Variants in SSX2IP observed in about 807,000 individuals in gnomAD.
SSX2IP encodes afadin- and alpha-actinin-binding protein.
Under a neutral mutation model 84.9 loss-of-function variants are expected in SSX2IP, and 55 were observed. The ratio of observed to expected loss-of-function variants is 0.65; its 90% CI spans 0.52 to 0.81. The LOEUF (loss-of-function observed/expected upper bound fraction) is 0.81, where lower values mean the gene tolerates loss of function less well. Ranked by LOEUF, SSX2IP falls within the 30% of genes least tolerant of loss-of-function variation. SSX2IP has a pLI of 0.00. For missense variants in SSX2IP, 664 were observed against 705.2 expected (o/e 0.94, Z 0.66); for synonymous variants, 239 against 234.7 (o/e 1.02, Z -0.17).
intron 1 of SSX2IP, among the ~76,000 whole-genome samples, chr1:84,681,606 T>C (rs1031267952): frequency 7.0e-5 from 9 of 128,070 alleles, no homozygotes; most frequent in Admixed American, 4.0e-4. Flanking sequence ...TTGAATGTTA[T>C]AGGAGCATGT....
intron 1 of SSX2IP, among the ~76,000 whole-genome samples, chr1:84,689,421 G>T (rs1279940689): frequency 6.6e-6 from 1 of 152,164 alleles, no homozygotes; most frequent in East Asian, 1.9e-4. Flanking sequence ...TGAATTGTTA[G>T]AAAGCCCAGG....
chr1:84,659,604 C>T (rs546297316), intron 8 of SSX2IP, among the ~76,000 whole-genome samples: 1 of 151,930 alleles, frequency 6.6e-6, no homozygotes, highest in Admixed American at 6.6e-5. Context: ...TCGAAACCAT[C>T]CTGTCCAACA....
intron 6 of SSX2IP, among the ~76,000 whole-genome samples, chr1:84,663,449 T>G (rs1652323885): frequency 6.6e-6 from 1 of 152,194 alleles, no homozygotes; most frequent in African/African-American, 2.4e-5. Context: ...ATTCTCCAAA[T>G]GAGTAAGATT....
intron 1 of SSX2IP, among the ~76,000 whole-genome samples, chr1:84,683,497 C>T (rs1655367387): frequency 1.3e-5 from 2 of 152,200 alleles, no homozygotes; most frequent in Admixed American, 1.3e-4. Flanking sequence ...CTCTGTGCTT[C>T]TAGAACACTT....
chr1:84,684,706 C>T (rs1655549553), intron 1 of SSX2IP, among the ~76,000 whole-genome samples: 1 of 151,920 alleles, frequency 6.6e-6, no homozygotes, highest in Admixed American at 6.6e-5. Context: ...AGAGTATCAC[C>T]CTGGAAACAA....
rs1283485079 is a variant in SSX2IP at position 84,660,595 on chromosome 1, G to A, written c.927+1603C>T. On this transcript the variant is annotated intron_variant, in intron 8 of 13. Transcript: ENST00000342203. ...AGCCTGACCAACATGGAGAAACCCC[G>A]TCTCTACTAAAAATACAAAATTGGC... is the stretch of plus-strand genomic sequence containing the variant. Among the ~76,000 whole-genome samples, 4 of 152,160 alleles carry A rather than the reference G, an allele frequency of 2.6e-5. 1 individual carries two copies. Among genetic ancestry groups the A allele is most frequent in the Middle Eastern group, 3.4e-3 (1 of 294 alleles).
chr1:84,659,807 AAAAG>A (rs1274474365), intron 8 of SSX2IP, among the ~76,000 whole-genome samples: 3 of 151,674 alleles, frequency 2.0e-5, no homozygotes, highest in African/African-American at 7.2e-5. Context: ...AAAAAAAAAA[AAAAG>A]AAAGAAAAAT....
At chr1:84,670,585 T>C in intron 3 of SSX2IP, 61 bp downstream of exon 3, 1 of 1,207,480 alleles carries the variant, frequency 8.3e-7, no homozygotes, top group Non-Finnish European at 1.1e-6. Flanking sequence ...TTTCTCATAA[T>C]TTTGATACAT....
chr1:84,658,484 G>T lies in SSX2IP; in HGVS notation c.928-16C>A. ...CGGAAATAACCTACAAGCGGAGAGAGATGAAGAGGAAAGGCTAGTACCTTA... is the reference window on the plus strand; with the variant it reads ...CGGAAATAACCTACAAGCGGAGAGATATGAAGAGGAAAGGCTAGTACCTTA... On this transcript the variant is annotated splice_polypyrimidine_tract_variant and intron_variant, in intron 8 of 13. Coordinates refer to ENST00000342203, the MANE Select transcript of SSX2IP (RefSeq NM_001166293.2). 2 of 1,610,948 alleles carry T rather than the reference G, an allele frequency of 1.2e-6. No homozygotes were observed. Among genetic ancestry groups the T allele is most frequent in the South Asian group, 1.1e-5 (1 of 90,544 alleles).
chr1:84,658,502 G>C (rs760384436), intron 8 of SSX2IP, 34 bp from the exon 9 acceptor site: 3 of 1,594,022 alleles, frequency 1.9e-6, no homozygotes, highest in Non-Finnish European at 2.6e-6. Flanking sequence ...GGAAAGGCTA[G>C]TACCTTACAA....
chr1:84,681,711 G>A (rs1391044939), intron 1 of SSX2IP, among the ~76,000 whole-genome samples: 3 of 152,206 alleles, frequency 2.0e-5, no homozygotes, highest in Non-Finnish European at 4.4e-5. Flanking sequence ...AAAAGTAGCA[G>A]CCCTGTCCTT....
intron 1 of SSX2IP, among the ~76,000 whole-genome samples, chr1:84,689,804 A>G (rs918351096): frequency 3.3e-5 from 5 of 152,230 alleles, no homozygotes; most frequent in African/African-American, 1.2e-4. Flanking sequence ...AAGTATTTTC[A>G]CACATGCCTG....
At chr1:84,649,377 A>C (rs904504249) in intron 13 of SSX2IP, among the ~76,000 whole-genome samples, 2 of 152,124 alleles carry the variant, frequency 1.3e-5, no homozygotes, top group Non-Finnish European at 2.9e-5. Context: ...GCTCTTACCT[A>C]GCTCTTTTTC....
At chr1:84,664,670 T>G in intron 5 of SSX2IP, 118 bp from the exon 6 acceptor site, 5 of 886,470 alleles carry the variant, frequency 5.6e-6, no homozygotes, top group Non-Finnish European at 7.9e-6. Flanking sequence ...CTTCCTTATT[T>G]GTAACCAGTA....
At chr1:84,679,607 C>A (rs551825978) in intron 1 of SSX2IP, among the ~76,000 whole-genome samples, 2 of 152,260 alleles carry the variant, frequency 1.3e-5, no homozygotes, top group South Asian at 4.1e-4. Flanking sequence ...ACACTTATTT[C>A]CAAGATGCTC....
rs773483566 is a variant in SSX2IP, at chr1:84,647,425, C to T, written c.*8G>A. ...ACACATTAATGAAAAAAATTCCAGT[C>T]CACATGTCTAAGGTAAGTCATCTTT... On this transcript the variant is annotated 3_prime_UTR_variant, in exon 14 of 14. Transcript: ENST00000342203. 1 of 1,564,548 alleles carries T rather than the reference C, an allele frequency of 6.4e-7. No homozygotes were observed. Among genetic ancestry groups the T allele is most frequent in the East Asian group, 2.3e-5 (1 of 42,660 alleles).
intron 2 of SSX2IP, 67 bp from the exon 3 acceptor site, chr1:84,670,882 A>T (rs984495183): frequency 2.0e-4 from 246 of 1,259,822 alleles, no homozygotes; most frequent in South Asian, 6.0e-4. Flanking sequence ...CATAATCGCC[A>T]TTACTAAAGA....
At chr1:84,681,476 A>G (rs917062265) in intron 1 of SSX2IP, among the ~76,000 whole-genome samples, 21 of 152,176 alleles carry the variant, frequency 1.4e-4, no homozygotes, top group African/African-American at 3.1e-4. Context: ...TATTTAGGGG[A>G]AAGTTCTGGA....
At chr1:84,674,397 T>C (rs1654012029) in intron 1 of SSX2IP, among the ~76,000 whole-genome samples, 1 of 152,164 alleles carries the variant, frequency 6.6e-6, no homozygotes, top group Non-Finnish European at 1.5e-5. Context: ...ACACATATTC[T>C]TAAATGATCT....
Sources: gnomAD v4.1 joint callset for allele counts (sites outside exome capture counted in the v4.1 genomes callset) on GRCh38, gnomAD v4.1.1 for gene constraint, MANE v1.5 for transcripts, NCBI Gene and HGNC (gene_info 2026-07-23, HGNC 2026-07-21) for gene names.